Variants in KHDRBS2 observed in about 807,000 individuals in gnomAD.
KHDRBS2 encodes KH domain-containing, RNA-binding, signal transduction-associated protein 2.
In KHDRBS2, 26 loss-of-function variants were observed where a neutral mutation model predicts 44.3. The observed-to-expected ratio is 0.59, with a 90% CI of 0.43 to 0.81. The LOEUF (loss-of-function observed/expected upper bound fraction) is 0.81. Among genes scored for constraint, KHDRBS2 ranks in the 40% least tolerant of loss-of-function variants. The pLI, the probability that KHDRBS2 is intolerant of heterozygous loss-of-function variation, is 0.00. For missense variants in KHDRBS2, 476 were observed against 433.1 expected, an observed-to-expected ratio of 1.10 and a Z score of -0.88; for synonymous variants, 194 against 151.1, an observed-to-expected ratio of 1.28 and a Z score of -2.08.
At chr6:61,799,557 A>G (rs1039457380) in intron 6 of KHDRBS2, among the ~76,000 whole-genome samples, 7 of 152,032 alleles carry the variant, frequency 4.6e-5, no homozygotes, top group Non-Finnish European at 1.0e-4. Context: ...CTTTTGGAAA[A>G]TTACTTTTCA....
intron 2 of KHDRBS2, among the ~76,000 whole-genome samples, chr6:62,060,223 T>C (rs1185435381): frequency 6.6e-6 from 1 of 151,808 alleles, no homozygotes; most frequent in East Asian, 2.0e-4. Flanking sequence ...ATTGACCCTG[T>C]TGAAAATTCT....
In KHDRBS2 at chr6:61,732,779, T is replaced by C. The variant is rs73474518; in HGVS notation, c.811-15A>G. On this transcript the variant is annotated splice_polypyrimidine_tract_variant and intron_variant, in intron 6 of 8. Transcript: ENST00000281156. ...TCATCATAACCCTGAGACAAAAAAA[T>C]GGTAGAAACACCTGTTAGTCAATTT... The C allele has an allele frequency of 7.3e-7, 1 of 1,373,400 alleles. No individual in the cohort carries two copies. 85.1% of individuals were successfully genotyped at this position (1,373,400 alleles called of 1,614,324 possible).
At chr6:61,841,790 A>G (rs933057929) in intron 6 of KHDRBS2, among the ~76,000 whole-genome samples, 1 of 152,142 alleles carries the variant, frequency 6.6e-6, no homozygotes, top group African/African-American at 2.4e-5. Flanking sequence ...CCAGGGCACA[A>G]CGCTTTATAA....
intron 6 of KHDRBS2, among the ~76,000 whole-genome samples, chr6:61,817,217 C>T (rs1335236485): frequency 6.6e-6 from 1 of 152,014 alleles, no homozygotes; most frequent in African/African-American, 2.4e-5. Context: ...TGATGGTGTT[C>T]AAGTTTTTTA....
At chr6:62,139,308 T>A (rs1468955789) in intron 2 of KHDRBS2, among the ~76,000 whole-genome samples, 1 of 152,066 alleles carries the variant, frequency 6.6e-6, no homozygotes, top group Non-Finnish European at 1.5e-5. Flanking sequence ...ATCCCAGCAC[T>A]TTGGGATGCC....
intron 7 of KHDRBS2, among the ~76,000 whole-genome samples, chr6:61,726,608 A>G (rs1244518260): frequency 3.3e-5 from 5 of 152,198 alleles, no homozygotes; most frequent in Non-Finnish European, 7.3e-5. Flanking sequence ...AAAAATCGCT[A>G]GCATTCCTAT....
chr6:62,222,178 G>C (rs1179508293), intron 1 of KHDRBS2, among the ~76,000 whole-genome samples: 2 of 151,980 alleles, frequency 1.3e-5, no homozygotes, highest in Non-Finnish European at 2.9e-5. Flanking sequence ...TCACGCCTTA[G>C]TATTTTGCAT....
At chr6:62,145,944 C>T (rs1222207777) in intron 2 of KHDRBS2, among the ~76,000 whole-genome samples, 1 of 151,414 alleles carries the variant, frequency 6.6e-6, no homozygotes, top group African/African-American at 2.4e-5. Flanking sequence ...GACTTGAGTC[C>T]CACCCCCAAG....
the KHDRBS2 span, among the ~76,000 whole-genome samples, chr6:61,631,153 A>C: frequency 1.3e-5 from 2 of 152,020 alleles, no homozygotes; most frequent in South Asian, 4.2e-4. Context: ...GCAACACGAG[A>C]CTTATTCAGG....
chr6:62,244,299 T>A (rs1384488878), intron 1 of KHDRBS2, among the ~76,000 whole-genome samples: 2 of 152,194 alleles, frequency 1.3e-5, no homozygotes, highest in East Asian at 3.9e-4. Flanking sequence ...ATATCATAAG[T>A]TCCATGAAAA....
At chr6:61,759,352 C>T (rs977337638) in intron 6 of KHDRBS2, among the ~76,000 whole-genome samples, 10 of 152,032 alleles carry the variant, frequency 6.6e-5, no homozygotes, top group Admixed American at 1.3e-4. Context: ...TTATGTGCTT[C>T]TTAAAAACTT....
chr6:62,113,805 C>A (rs905880338), intron 2 of KHDRBS2, among the ~76,000 whole-genome samples: 2 of 152,186 alleles, frequency 1.3e-5, no homozygotes, highest in East Asian at 3.9e-4. Flanking sequence ...AACATTACAA[C>A]AATTGACACA....
chr6:61,916,482 G>A (rs548186822), intron 4 of KHDRBS2, among the ~76,000 whole-genome samples: 3 of 151,816 alleles, frequency 2.0e-5, no homozygotes, highest in South Asian at 4.2e-4. Flanking sequence ...TATTACAAAG[G>A]AACTTTTATA....
chr6:61,586,945 ATGAG>A, the KHDRBS2 span, among the ~76,000 whole-genome samples: 1 of 152,170 alleles, frequency 6.6e-6, no homozygotes, highest in African/African-American at 2.4e-5. Context: ...CTAATAATAC[ATGAG>A]AAAACTTGTT....
chr6:62,266,866 C>T (rs913892249), intron 1 of KHDRBS2, among the ~76,000 whole-genome samples: 10 of 151,944 alleles, frequency 6.6e-5, no homozygotes, highest in African/African-American at 2.4e-4. Flanking sequence ...GTACAATATA[C>T]AGATGTTTTT....
intron 4 of KHDRBS2, among the ~76,000 whole-genome samples, chr6:61,925,547 CT>C (rs980356970): frequency 3.9e-5 from 6 of 151,972 alleles, no homozygotes; most frequent in African/African-American, 1.5e-4. Flanking sequence ...GAGACCTTGT[CT>C]CTAACAAAAT....
At chr6:62,222,271 G>A (rs1047106605) in intron 1 of KHDRBS2, among the ~76,000 whole-genome samples, 2 of 151,834 alleles carry the variant, frequency 1.3e-5, no homozygotes, top group Non-Finnish European at 2.9e-5. Flanking sequence ...TGGGGGTCTT[G>A]GGGAGAATGT....
At chr6:61,820,982 T>A (rs1402422506) in intron 6 of KHDRBS2, among the ~76,000 whole-genome samples, 1 of 152,054 alleles carries the variant, frequency 6.6e-6, no homozygotes, top group African/African-American at 2.4e-5. Context: ...TCCTACTGAC[T>A]GTGTGAGGAG....
rs573103050 is a variant in KHDRBS2 at position 61,996,370 on chromosome 6, A to C, written c.337-18158T>G. ...TTTGAAGACATTAAATACAAGAGAC[A>C]AATAGAAAAATAAAACACTATTTAA... On this transcript the variant is annotated intron_variant, in intron 3 of 8. Coordinates refer to ENST00000281156, the MANE Select transcript of KHDRBS2 (RefSeq NM_152688.4). Among the ~76,000 whole-genome samples the C allele has an allele frequency of 5.9e-5, 9 of 152,334 alleles. No homozygotes were observed. In the East Asian group the frequency reaches 1.7e-3, roughly 29 times the overall value.
Sources: allele counts gnomAD v4.1 joint callset (sites outside exome capture counted in the v4.1 genomes callset), GRCh38; gene constraint gnomAD v4.1.1; transcripts MANE v1.5; gene names NCBI Gene and HGNC (gene_info 2026-07-23, HGNC 2026-07-21).